ANKH: variants seen among roughly 807,000 people sequenced by gnomAD.
The protein encoded by ANKH is mineralization regulator ANKH.
In ANKH, 15 loss-of-function variants were observed where a neutral mutation model predicts 49.0. The observed-to-expected ratio is 0.31, with a 90% CI of 0.20 to 0.47. The LOEUF (loss-of-function observed/expected upper bound fraction) is 0.47. Among genes scored for constraint, ANKH ranks in the 20% least tolerant of loss-of-function variants. ANKH has a pLI of 1.00. For missense variants in ANKH, 429 were observed against 652.0 expected (o/e 0.66, Z 3.72); for synonymous variants, 273 against 260.0 (o/e 1.05, Z -0.48).
chr5:14,734,995 G>A (rs1362832429), intron 8 of ANKH, among the ~76,000 whole-genome samples: 1 of 152,158 alleles, frequency 6.6e-6, no homozygotes, highest in Admixed American at 6.5e-5. Flanking sequence ...AGTGGCCCAG[G>A]TTAGTCCTGG....
At chr5:14,727,474 A>G (rs1274811735) in intron 8 of ANKH, among the ~76,000 whole-genome samples, 1 of 151,400 alleles carries the variant, frequency 6.6e-6, no homozygotes, top group East Asian at 1.9e-4. Flanking sequence ...CCAACGACTT[A>G]CTAATCTAGT....
intron 9 of ANKH, 99 bp downstream of exon 9, chr5:14,716,607 A>G: frequency 3.3e-6 from 5 of 1,531,188 alleles, no homozygotes; most frequent in African/African-American, 1.4e-5. Flanking sequence ...GTGAAATTTT[A>G]CATTTGTGTT....
In ANKH at chr5:14,708,014, TC is replaced by T. The variant is rs1260946432; in HGVS notation, c.*3182del. On this transcript the variant is annotated 3_prime_UTR_variant, in exon 12 of 12. Transcript: ENST00000284268. ...TGCCAATGTGCAAATCCGTCAATAC[TC>T]CCTGAGCCATGTGGCCGGCAGGTCC... 1 of 152,110 alleles carries T rather than the reference TC, an allele frequency of 6.6e-6. No individual in the cohort carries two copies. Among genetic ancestry groups the T allele is most frequent in the Non-Finnish European group, 1.5e-5 (1 of 68,022 alleles). The allele number at this position is 152,110 out of a possible 1,614,324, so 9.4% of individuals were successfully genotyped here.
intron 1 of ANKH, among the ~76,000 whole-genome samples, chr5:14,800,808 C>A (rs1324460674): frequency 6.6e-6 from 1 of 150,910 alleles, no homozygotes; most frequent in Non-Finnish European, 1.5e-5. Flanking sequence ...CTCACTGCAG[C>A]CTTGACCTCC....
intron 1 of ANKH, among the ~76,000 whole-genome samples, chr5:14,795,756 G>A (rs1471346302): frequency 6.6e-6 from 1 of 152,012 alleles, no homozygotes; most frequent in Non-Finnish European, 1.5e-5. Flanking sequence ...TACTCGGGAG[G>A]CTGAAGCACA....
chr5:14,729,762 T>C (rs955872974), intron 8 of ANKH, among the ~76,000 whole-genome samples: 1 of 152,124 alleles, frequency 6.6e-6, no homozygotes, highest in African/African-American at 2.4e-5. Context: ...TTCTGGTTTC[T>C]AGCTTTGGGA....
chr5:14,765,177 T>C (rs1473712950), intron 2 of ANKH, among the ~76,000 whole-genome samples: 1 of 152,192 alleles, frequency 6.6e-6, no homozygotes, highest in Admixed American at 6.5e-5. Context: ...TAAAAAATGG[T>C]GTCTCATACA....
At chr5:14,797,949 A>G (rs1047236475) in intron 1 of ANKH, 23 of 1,579,272 alleles carry the variant, frequency 1.5e-5, no homozygotes, top group Non-Finnish European at 1.9e-5. Context: ...ATAGTCAAAG[A>G]CAAGAATATC....
intron 1 of ANKH, among the ~76,000 whole-genome samples, chr5:14,804,697 C>T (rs1224224008): frequency 6.6e-6 from 1 of 152,206 alleles, no homozygotes; most frequent in Non-Finnish European, 1.5e-5. Context: ...GCTAGGTTTA[C>T]ACCTAGAGTT....
At chr5:14,760,849 A>G (rs1008301291) in intron 2 of ANKH, among the ~76,000 whole-genome samples, 1 of 152,230 alleles carries the variant, frequency 6.6e-6, no homozygotes, top group African/African-American at 2.4e-5. Context: ...GAATTGGTGA[A>G]AGGGCAGTGT....
chr5:14,762,515 C>T (rs560763838), intron 2 of ANKH, among the ~76,000 whole-genome samples: 11 of 152,252 alleles, frequency 7.2e-5, no homozygotes, highest in African/African-American at 2.4e-4. Context: ...TCAGCTACTC[C>T]GGGAGATATT....
intron 1 of ANKH, among the ~76,000 whole-genome samples, chr5:14,785,186 C>T (rs10056473): frequency 0.037 from 5,616 of 152,102 alleles, 140 homozygotes; most frequent in Middle Eastern, 0.078. Context: ...ACAAAAAAGA[C>T]GAATATCCAT....
At chr5:14,822,270 T>C (rs1178316059) in intron 1 of ANKH, among the ~76,000 whole-genome samples, 2 of 152,378 alleles carry the variant, frequency 1.3e-5, no homozygotes, top group Middle Eastern at 3.4e-3. Flanking sequence ...ACAGGAATAA[T>C]AGTATTTGGA....
intron 1 of ANKH, chr5:14,870,067 A>G (rs1189839998): frequency 6.6e-6 from 1 of 152,008 alleles, no homozygotes; most frequent in African/African-American, 2.4e-5. Flanking sequence ...CCCTTGGGGT[A>G]CCCTTGTGAG....
At chr5:14,856,921 A>G (rs1580120678) in intron 1 of ANKH, among the ~76,000 whole-genome samples, 1 of 152,238 alleles carries the variant, frequency 6.6e-6, no homozygotes, top group East Asian at 1.9e-4. Context: ...GCATGTAGGA[A>G]GGTGTGGATG....
chr5:14,868,500 T>G (rs894851789), intron 1 of ANKH: 6 of 151,240 alleles, frequency 4.0e-5, no homozygotes, highest in Admixed American at 4.0e-4. Context: ...TGGGGTTCAA[T>G]GCAATTCTCC....
chr5:14,745,966 C>A lies in ANKH; in HGVS notation c.823-4G>T, dbSNP rs753134589. The A allele has an allele frequency of 1.2e-6, 2 of 1,613,082 alleles. No homozygotes were observed. ...TGGCTGTCAAAATCGCCACTGCCTG[C>A]AACAGGAAGAGGTGGCAGAGTTAGC... On this transcript the variant is annotated splice_polypyrimidine_tract_variant and splice_region_variant and intron_variant, in intron 6 of 11. Coordinates refer to ENST00000284268, the MANE Select transcript of ANKH (RefSeq NM_054027.6). The surrounding 1 kb of genome is among the most constrained non-coding windows in gnomAD (Gnocchi z 4.7).
chr5:14,810,071 C>T (rs564803260), intron 1 of ANKH, among the ~76,000 whole-genome samples: 3 of 152,086 alleles, frequency 2.0e-5, no homozygotes, highest in South Asian at 4.2e-4. Context: ...ATAGCTTCTG[C>T]GTTTCTCTAC....
intron 8 of ANKH, among the ~76,000 whole-genome samples, chr5:14,731,990 T>A (rs151107823): frequency 1.3e-5 from 2 of 152,328 alleles, no homozygotes; most frequent in Non-Finnish European, 2.9e-5. Flanking sequence ...AAGCATCACG[T>A]GTGCCCCACA....
Sources: gnomAD v4.1 joint callset for allele counts (sites outside exome capture counted in the v4.1 genomes callset) on GRCh38, gnomAD v4.1.1 for gene constraint, Gnocchi (gnomAD v3.1) non-coding constraint, MANE v1.5 for transcripts, NCBI Gene and HGNC (gene_info 2026-07-23, HGNC 2026-07-21) for gene names.